Variants in PLCG2 observed in about 807,000 individuals in gnomAD.
PLCG2 encodes the protein 1-phosphatidylinositol 4,5-bisphosphate phosphodiesterase gamma-2.
Under a neutral mutation model 175.6 loss-of-function variants are expected in PLCG2, and 69 were observed. That is an observed-to-expected ratio of 0.39 (90% CI 0.32 to 0.48). The LOEUF (loss-of-function observed/expected upper bound fraction) is 0.48, where lower values mean the gene tolerates loss of function less well. Ranked by LOEUF, PLCG2 falls within the 20% of genes least tolerant of loss-of-function variation. PLCG2 has a pLI of 0.91. For missense variants in PLCG2, 1,798 were observed against 1,650.9 expected (o/e 1.09, Z -1.54); for synonymous variants, 827 against 624.0 (o/e 1.33, Z -4.85).
intron 5 of PLCG2, among the ~76,000 whole-genome samples, chr16:81,860,328 A>G (rs1299081866): frequency 6.6e-6 from 1 of 151,952 alleles, no homozygotes; most frequent in Non-Finnish European, 1.5e-5. Context: ...CTTTATCATT[A>G]CTGTGATTAA....
At chr16:81,840,302 C>T (rs575801258) in intron 2 of PLCG2, among the ~76,000 whole-genome samples, 1 of 152,276 alleles carries the variant, frequency 6.6e-6, no homozygotes, top group Non-Finnish European at 1.5e-5. Flanking sequence ...CTCAGAGCAG[C>T]AGTCCCAGAC....
intron 1 of PLCG2, chr16:81,739,639 A>G (rs12444186): frequency 0.83 from 126,589 of 152,254 alleles, 53,914 homozygotes; most frequent in East Asian, 0.96. Flanking sequence ...ATGAGGAGAG[A>G]CAATGTGGCA....
chr16:81,931,759 G>C (rs1240067737), intron 25 of PLCG2, 105 bp downstream of exon 25: 2 of 908,036 alleles, frequency 2.2e-6, no homozygotes, highest in African/African-American at 1.7e-5. Context: ...GCAGGCCCAG[G>C]TCCTACTCAG....
chr16:81,847,399 C>G (rs1038525934), intron 2 of PLCG2, among the ~76,000 whole-genome samples: 3 of 152,150 alleles, frequency 2.0e-5, no homozygotes, highest in Non-Finnish European at 4.4e-5. Flanking sequence ...GTGACCAACT[C>G]AGTCTTTAGC....
chr16:81,856,899 G>C (rs1225070183), intron 3 of PLCG2, among the ~76,000 whole-genome samples: 1 of 152,152 alleles, frequency 6.6e-6, no homozygotes, highest in Non-Finnish European at 1.5e-5. Context: ...GAGATGTGAG[G>C]ATGGAAACAA....
chr16:81,802,462 A>C (rs1911775731), intron 2 of PLCG2, among the ~76,000 whole-genome samples: 1 of 151,728 alleles, frequency 6.6e-6, no homozygotes, highest in African/African-American at 2.4e-5. Flanking sequence ...TTTGCTACCA[A>C]GTGTTCCCAG....
intron 7 of PLCG2, among the ~76,000 whole-genome samples, chr16:81,871,845 C>T (rs535908252): frequency 2.9e-5 from 3 of 104,118 alleles, no homozygotes; most frequent in Admixed American, 9.9e-5. Flanking sequence ...ACCTGGGCAC[C>T]ATCTGAATGT....
chr16:81,809,421 G>A (rs988287142), intron 2 of PLCG2, among the ~76,000 whole-genome samples: 6 of 152,200 alleles, frequency 3.9e-5, no homozygotes, highest in East Asian at 3.9e-4. Context: ...AATGGACTTC[G>A]GCTCTATTTA....
intron 3 of PLCG2, among the ~76,000 whole-genome samples, chr16:81,857,514 G>C (rs913169907): frequency 9.4e-5 from 7 of 74,162 alleles, no homozygotes; most frequent in Non-Finnish European, 2.6e-4. Context: ...CCAAGATCAA[G>C]ATGCTGGATG....
chr16:81,936,025 C>A, intron 26 of PLCG2, 144 bp from the exon 27 acceptor site: 2 of 1,453,330 alleles, frequency 1.4e-6, no homozygotes, highest in Non-Finnish European at 1.8e-6. Context: ...CCAATTGGGA[C>A]AATATCATCA....
intron 25 of PLCG2, among the ~76,000 whole-genome samples, chr16:81,933,692 TG>T (rs1249845760): frequency 6.6e-6 from 1 of 152,104 alleles, no homozygotes; most frequent in Non-Finnish European, 1.5e-5. Context: ...ATCCCTCAAG[TG>T]CTTAGCCTGT....
chr16:81,926,469 C>T (rs1243342154), intron 22 of PLCG2, among the ~76,000 whole-genome samples: 2 of 152,170 alleles, frequency 1.3e-5, no homozygotes, highest in African/African-American at 4.8e-5. Context: ...TGGATTATGT[C>T]CCGTGTTGTT....
chr16:81,760,167 T>G (rs916741042), intron 2 of PLCG2, among the ~76,000 whole-genome samples: 2 of 152,088 alleles, frequency 1.3e-5, no homozygotes, highest in Non-Finnish European at 2.9e-5. Flanking sequence ...TAAAGGACAT[T>G]AGGTGGCTTG....
chr16:81,886,275 G>T (rs1041921361), intron 9 of PLCG2, among the ~76,000 whole-genome samples: 1 of 152,196 alleles, frequency 6.6e-6, no homozygotes, highest in African/African-American at 2.4e-5. Flanking sequence ...GGGGCCAGGA[G>T]AAAGTGTAGG....
intron 2 of PLCG2, among the ~76,000 whole-genome samples, chr16:81,803,634 TCCC>T (rs1911854778): frequency 7.5e-3 from 16 of 2,138 alleles, no homozygotes; most frequent in Non-Finnish European, 0.02. Flanking sequence ...CTTTTCTTCT[TCCC>T]TCCCTCCCTC....
Position 81,801,396 on chromosome 16 carries a change from G to A in PLCG2, c.193+15214G>A, listed in dbSNP as rs933996207. Among the ~76,000 whole-genome samples, 9 of 152,272 alleles carry A rather than the reference G, an allele frequency of 5.9e-5. No individual in the cohort carries two copies. The South Asian group carries it at 8.3e-4, about 14-fold the overall frequency. ...GTCTTTACATAAAAGACACTGCGTG[G>A]TGTGTATCCCTCAAGCAACTTGCAT... On this transcript the variant is annotated intron_variant, in intron 2 of 32. Transcript: ENST00000564138.
chr16:81,776,117 T>TTTTCTTTCTTTC (rs1910399941), upstream of PLCG2, among the ~76,000 whole-genome samples: 1 of 11,382 alleles, frequency 8.8e-5, no homozygotes, highest in Admixed American at 1.3e-3. Context: ...TTCTTTCTTT[T>TTTTCTTTCTTTC]TTGTTTTTTT....
At chr16:81,935,957 A>G (rs1450777078) in intron 26 of PLCG2, 1 of 984,974 alleles carries the variant, frequency 1.0e-6, no homozygotes, top group Admixed American at 6.1e-5. Flanking sequence ...AGGTGGTGGG[A>G]AAACTAGGCC....
intron 2 of PLCG2, among the ~76,000 whole-genome samples, chr16:81,841,910 A>T (rs1905853522): frequency 6.6e-6 from 1 of 152,242 alleles, no homozygotes; most frequent in African/African-American, 2.4e-5. Context: ...TTTTACTTAA[A>T]GTGAAACCAC....
Sources: gnomAD v4.1 joint callset for allele counts (sites outside exome capture counted in the v4.1 genomes callset) on GRCh38, gnomAD v4.1.1 for gene constraint, MANE v1.5 for transcripts, NCBI Gene and HGNC (gene_info 2026-07-23, HGNC 2026-07-21) for gene names.